Variants in PPP1R3F observed in about 807,000 individuals in gnomAD.
PPP1R3F encodes protein phosphatase 1 regulatory subunit 3F.
Under a neutral mutation model 24.2 loss-of-function variants are expected in PPP1R3F, and 29 were observed. That is an observed-to-expected ratio of 1.20 (90% CI 0.89 to 1.63). The LOEUF is 1.63. Among genes scored for constraint, PPP1R3F ranks in the 40% most tolerant of loss-of-function variants. The pLI is 0.00. For missense variants in PPP1R3F, 823 were observed against 729.3 expected (o/e 1.13, Z -1.48); for synonymous variants, 363 against 340.1 (o/e 1.07, Z -0.74).
At chrX:49,276,135 C>T (rs782155695) in intron 1 of PPP1R3F, among the ~76,000 whole-genome samples, 1 of 112,365 alleles carries the variant, frequency 8.9e-6, no homozygotes, top group East Asian at 2.8e-4. Flanking sequence ...GGGATCTGAG[C>T]CTGTGTGGTC....
chrX:49,272,922 T>G (rs1557119529), intron 1 of PPP1R3F: 1 of 82,795 alleles, frequency 1.2e-5, no homozygotes. Context: ...GGGACATTTA[T>G]TTTTTTCTAT....
intron 3 of PPP1R3F, among the ~76,000 whole-genome samples, chrX:49,297,828 C>CAATTTTT (rs2066327549): frequency 5.1e-5 from 1 of 19,598 alleles, no homozygotes; most frequent in African/African-American, 3.0e-4. Context: ...GCAACCCCTG[C>CAATTTTT]TTTTTTTTTT....
At chrX:49,300,223 A>T (rs142474729) in intron 3 of PPP1R3F, among the ~76,000 whole-genome samples, 1 of 109,703 alleles carries the variant, frequency 9.1e-6, no homozygotes, top group Non-Finnish European at 1.9e-5. Flanking sequence ...TGCACCGTTC[A>T]TCACAGCACA....
intron 3 of PPP1R3F, among the ~76,000 whole-genome samples, chrX:49,294,890 C>T (rs1224342271): frequency 9.4e-5 from 8 of 85,358 alleles, no homozygotes; most frequent in African/African-American, 3.7e-4. Context: ...GCCTGGGCAA[C>T]AGAGCGAGAA....
Position 49,281,986 on chromosome X carries a change from C to T in PPP1R3F, c.1066C>T (p.His356Tyr). ...TGCCTTTCTCTTCCCTCTAGCAGAG[C>T]ATCCTGATGTCCAGGAGTCAGTGGG... Reference protein sequence around the residue: ...MDDNTFAMAEHPDVQESVGPL... With the variant: ...MDDNTFAMAEYPDVQESVGPL... Residue 356 changes from histidine (H) to tyrosine (Y), a missense_variant, in exon 3 of 4, where the codon CAT becomes TAT. By Grantham distance (83) the His-to-Tyr change is moderately conservative. Coordinates refer to ENST00000055335, the MANE Select transcript of PPP1R3F (RefSeq NM_033215.5). The T allele has an allele frequency of 8.3e-7, 1 of 1,201,670 alleles. No homozygotes were observed. Among genetic ancestry groups the T allele is most frequent in the Non-Finnish European group, 1.1e-6 (1 of 886,094 alleles).
At chrX:49,282,813 G>A (rs946693176) in intron 3 of PPP1R3F, among the ~76,000 whole-genome samples, 1 of 109,729 alleles carries the variant, frequency 9.1e-6, no homozygotes, top group Non-Finnish European at 1.9e-5. Context: ...CTCCGAGTGA[G>A]GGGGAGCCGC....
At chrX:49,279,383 T>C (rs1330201255) in intron 1 of PPP1R3F, among the ~76,000 whole-genome samples, 2 of 111,290 alleles carry the variant, frequency 1.8e-5, no homozygotes, top group Non-Finnish European at 3.8e-5. Context: ...GGTTATGGGT[T>C]TTCAAAAAGT....
chrX:49,270,604 C>T lies in PPP1R3F; in HGVS notation c.735C>T (p.Phe245=). ...DDGGRTDRFA[F]QLPFAEGAGD... ...GCGGCCGCACCGACCGCTTTGCCTT[C>T]CAGCTGCCCTTTGCTGAGGGCGCGG... Residue 245 remains phenylalanine (F), a synonymous_variant, in exon 1 of 4, where the codon TTC becomes TTT. Transcript: ENST00000055335. 1.7e-6 allele frequency: 2 copies of T among 1,205,734 alleles called. No individual in the cohort carries two copies. The highest frequency in any genetic ancestry group is 2.2e-6 in the Non-Finnish European group (2 of 894,591).
chrX:49,276,957 C>G (rs2066217422), intron 1 of PPP1R3F, among the ~76,000 whole-genome samples: 1 of 112,565 alleles, frequency 8.9e-6, no homozygotes, highest in Admixed American at 9.4e-5. Flanking sequence ...TTCAGGTTGA[C>G]TACATGGGAG....
At chrX:49,284,696 A>T (rs374959427) in intron 3 of PPP1R3F, among the ~76,000 whole-genome samples, 3 of 109,861 alleles carry the variant, frequency 2.7e-5, no homozygotes, top group Non-Finnish European at 5.7e-5. Flanking sequence ...ATTTTTGCAG[A>T]GATGGGGTTT....
At position 49,297,287 on chromosome X, in the gene PPP1R3F, C is replaced by T. The variant is rs1322391497; in HGVS notation, c.393-4064C>T. 2.9e-4 allele frequency among the ~76,000 whole-genome samples: 32 copies of T among 108,746 alleles called. No homozygotes were observed. In the Admixed American group the frequency reaches 3.2e-3, roughly 11 times the overall value. The allele number at this position is 108,746 out of a possible 115,157, so 94.4% of individuals were successfully genotyped here. A position where few individuals can be genotyped will look rare whatever the true frequency, so the allele number is the denominator to read the frequency against. ...GGAGTGCAGTGGCGCAATCTCGGCT[C>T]ACTTCAAGCTCCATCTCCTGGGTTC... On this transcript the variant is annotated intron_variant, in intron 3 of 3. Transcript: ENST00000471261.
At chrX:49,275,275 C>T (rs1285489538) in intron 1 of PPP1R3F, 1 of 111,774 alleles carries the variant, frequency 8.9e-6, no homozygotes, top group Non-Finnish European at 1.9e-5. Context: ...CTTTGTCTTC[C>T]CTTGCCTTGA....
chrX:49,289,503 A>G (rs1430580562), downstream of PPP1R3F, among the ~76,000 whole-genome samples: 5 of 112,020 alleles, frequency 4.5e-5, no homozygotes, highest in African/African-American at 1.6e-4. Context: ...ACGAAAGCAT[A>G]CAGATGAATC....
In PPP1R3F at chrX:49,270,408, A is replaced by G. The variant is rs1340856596; in HGVS notation, c.539A>G (p.His180Arg). 2.5e-6 allele frequency: 3 copies of G among 1,177,106 alleles called. No individual in the cohort carries two copies. Among genetic ancestry groups the G allele is most frequent in the Non-Finnish European group, 3.4e-6 (3 of 884,333 alleles). The change falls in exon 1 of 4, where the codon CAC (histidine) becomes CGC (arginine). Residue 180 changes from histidine to arginine, a missense_variant. His to Arg is a conservative substitution (Grantham distance 29). Coordinates refer to ENST00000055335, the MANE Select transcript of PPP1R3F (RefSeq NM_033215.5). ...VLNRSFEKAV[H>R]VRASHDGWAS... ...AACCGCTCCTTCGAGAAGGCGGTGCACGTGCGGGCCTCACACGACGGCTGG... is the reference window on the plus strand; with the variant it reads ...AACCGCTCCTTCGAGAAGGCGGTGCGCGTGCGGGCCTCACACGACGGCTGG...
At position 49,270,567 on chromosome X, in the gene PPP1R3F, C is replaced by T. The variant is rs1557118945; in HGVS notation, c.698C>T (p.Ser233Leu). The T allele has an allele frequency of 2.5e-6, 3 of 1,200,832 alleles. No individual in the cohort carries two copies. The highest frequency in any genetic ancestry group is 1.7e-5 in the African/African-American group (1 of 57,538). Residue 233 changes from serine (S) to leucine (L), a missense_variant, in exon 1 of 4, where the codon TCG (serine) becomes TTG (leucine). Physicochemically the swap from Ser to Leu is moderately radical, Grantham distance 145. Coordinates refer to ENST00000055335, the MANE Select transcript of PPP1R3F (RefSeq NM_033215.5). ...GLGPGQASAS[S>L]PDDGGRTDRF... ...GGTCCCGGCCAGGCATCCGCCTCCT[C>T]GCCCGACGACGGCGGCCGCACCGAC...
At chrX:49,272,606 G>T (rs1490384818) in intron 1 of PPP1R3F, among the ~76,000 whole-genome samples, 1 of 112,950 alleles carries the variant, frequency 8.9e-6, no homozygotes, top group Non-Finnish European at 1.9e-5. Flanking sequence ...GTGTGGCCTT[G>T]CCTCCGTTTC....
At chrX:49,283,093 C>T (rs1413779712) in intron 3 of PPP1R3F, among the ~76,000 whole-genome samples, 2 of 109,786 alleles carry the variant, frequency 1.8e-5, no homozygotes, top group Non-Finnish European at 3.8e-5. Context: ...AATGAACCTA[C>T]GTACACCATC....
chrX:49,270,407 C>T lies in PPP1R3F; in HGVS notation c.538C>T (p.His180Tyr), dbSNP rs782623213. 3 of 1,176,198 alleles carry T rather than the reference C, an allele frequency of 2.6e-6. No homozygotes were observed. Among genetic ancestry groups the T allele is most frequent in the Non-Finnish European group, 3.4e-6 (3 of 883,799 alleles). ...VLNRSFEKAVHVRASHDGWAS... is the reference protein window; with the variant it reads ...VLNRSFEKAVYVRASHDGWAS... The stretch of plus-strand genomic sequence containing the variant: ...GAACCGCTCCTTCGAGAAGGCGGTG[C>T]ACGTGCGGGCCTCACACGACGGCTG... The change falls in exon 1 of 4, where the codon CAC becomes TAC. Residue 180 changes from histidine (H) to tyrosine (Y), a missense_variant. Coordinates refer to ENST00000055335, the MANE Select transcript of PPP1R3F (RefSeq NM_033215.5).
At chrX:49,293,419 C>T (rs782658632) in intron 3 of PPP1R3F, among the ~76,000 whole-genome samples, 20 of 112,114 alleles carry the variant, frequency 1.8e-4, no homozygotes, top group Non-Finnish European at 3.4e-4. Context: ...TTGGGAGAGA[C>T]ACAGGAATGT....
Sources: gnomAD v4.1 joint callset for allele counts (sites outside exome capture counted in the v4.1 genomes callset) on GRCh38, gnomAD v4.1.1 for gene constraint, MANE v1.5 for transcripts, NCBI Gene and HGNC (gene_info 2026-07-23, HGNC 2026-07-21) for gene names.